The following ACOX2 variants were observed in gnomAD, a reference collection of about 807,000 sequenced individuals.
ACOX2 encodes peroxisomal acyl-coenzyme A oxidase 2.
Under a neutral mutation model 77.5 loss-of-function variants are expected in ACOX2, and 59 were observed. The ratio of observed to expected loss-of-function variants is 0.76; its 90% CI spans 0.62 to 0.95. ACOX2 has a LOEUF of 0.95. ACOX2 is among the 40% of genes least tolerant of loss of function. The probability of loss-of-function intolerance (pLI) is 0.00; values close to 1 mark genes in which losing one functional copy is unlikely to be tolerated. For missense variants in ACOX2, 837 were observed against 880.4 expected, an observed-to-expected ratio of 0.95 and a Z score of 0.62; for synonymous variants, 317 against 340.1, an observed-to-expected ratio of 0.93 and a Z score of 0.75.
At chr3:58,517,017 T>C (rs562819753) in intron 13 of ACOX2, among the ~76,000 whole-genome samples, 189 bp downstream of exon 13, 1 of 152,250 alleles carries the variant, frequency 6.6e-6, no homozygotes, top group African/African-American at 2.4e-5. Context: ...ATTTTTCCCA[T>C]TTTTTCCCAT....
chr3:58,533,627 C>A lies in ACOX2; in HGVS notation c.476-75G>T. On this transcript the variant is annotated intron_variant, in intron 4 of 14. Coordinates refer to ENST00000302819, the MANE Select transcript of ACOX2 (RefSeq NM_003500.4). The surrounding 1 kb of genome is among the most constrained non-coding windows in gnomAD (Gnocchi z 5.6). ...CCTGTGAAGCTGCTTCTAGGTGGGT[C>A]TGAACTCTTAGGCATCAGCGCAGTA... The A allele has an allele frequency of 7.1e-7, 1 of 1,411,876 alleles. No individual in the cohort carries two copies. The highest frequency in any genetic ancestry group is 1.0e-6 in the Non-Finnish European group (1 of 1,000,540). 87.5% of individuals were successfully genotyped at this position (1,411,876 alleles called of 1,614,324 possible). A position where few individuals can be genotyped will look rare whatever the true frequency, so the allele number is the denominator to read the frequency against.
chr3:58,525,175 T>C lies in ACOX2; in HGVS notation c.1347-570A>G, dbSNP rs967821437. On this transcript the variant is annotated intron_variant, in intron 10 of 14. Coordinates refer to ENST00000302819, the MANE Select transcript of ACOX2 (RefSeq NM_003500.4). The surrounding 1 kb of genome is among the most constrained non-coding windows in gnomAD (Gnocchi z 5.0). Reference sequence around the variant, plus strand: ...GGTGGGGAGGACAGTTCTCATCTGATTGAGGGTTTGTGAAATGGAATGAGA... The same window carrying C: ...GGTGGGGAGGACAGTTCTCATCTGACTGAGGGTTTGTGAAATGGAATGAGA... 2.0e-5 allele frequency among the ~76,000 whole-genome samples: 3 copies of C among 152,108 alleles called. No individual in the cohort carries two copies. Among genetic ancestry groups the C allele is most frequent in the African/African-American group, 4.8e-5 (2 of 41,432 alleles).
Position 58,526,319 on chromosome 3 carries a change from T to A in ACOX2, c.1346+147A>T, listed in dbSNP as rs1013274257. 5 of 879,918 alleles carry A rather than the reference T, an allele frequency of 5.7e-6. No homozygotes were observed. The highest frequency in any genetic ancestry group is 2.9e-5 in the Admixed American group (1 of 34,486). The allele number at this position is 879,918 out of a possible 1,614,324, so 54.5% of individuals were successfully genotyped here. On this transcript the variant is annotated intron_variant, in intron 10 of 14. Coordinates refer to ENST00000302819, the MANE Select transcript of ACOX2 (RefSeq NM_003500.4). This position sits in a 1 kb window ranked among gnomAD's most constrained non-coding sequence, Gnocchi z 4.3. ...GATGGTGGCCTAGAAGTGGATAGGT[T>A]AGTCATACTGGGGAATTGGACAGCT...
At position 58,510,648 on chromosome 3, in the gene ACOX2, A is replaced by T. The variant is rs1415300000; in HGVS notation, c.1851-1623T>A. Among the ~76,000 whole-genome samples the T allele has an allele frequency of 8.0e-5, 3 of 37,448 alleles. 1 individual carries two copies. The highest frequency in any genetic ancestry group is 1.5e-4 in the Non-Finnish European group (3 of 20,660). The allele number at this position is 37,448 out of a possible 152,430, so 24.6% of individuals were successfully genotyped here. A position where few individuals can be genotyped will look rare whatever the true frequency, so the allele number is the denominator to read the frequency against. On this transcript the variant is annotated intron_variant, in intron 13 of 14. Transcript: ENST00000302819. The stretch of plus-strand genomic sequence containing the variant: ...ACTCCCGCTCAAAAAAAAAAAAAAA[A>T]AAAAAAAAAAAAAAAATATATATAT...
At chr3:58,511,284 T>A in intron 13 of ACOX2, 1 of 348,678 alleles carries the variant, frequency 2.9e-6, no homozygotes, top group Non-Finnish European at 5.6e-6. Context: ...TTCTTTTTAC[T>A]GTAGGCCTGG....
At chr3:58,532,727 T>G (rs536668085) in intron 5 of ACOX2, among the ~76,000 whole-genome samples, 1 of 152,298 alleles carries the variant, frequency 6.6e-6, no homozygotes, top group East Asian at 1.9e-4. Flanking sequence ...TGTGTCTCCC[T>G]CTCTCTATGT....
chr3:58,531,132 T>C lies in ACOX2; in HGVS notation c.819+119A>G, dbSNP rs1417984361. The C allele has an allele frequency of 4.8e-6, 4 of 825,066 alleles. No homozygotes were observed. In the African/African-American group the frequency reaches 6.9e-5, roughly 14 times the overall value. The allele number at this position is 825,066 out of a possible 1,614,324, so 51.1% of individuals were successfully genotyped here. On this transcript the variant is annotated intron_variant, in intron 7 of 14. Transcript: ENST00000302819. This position sits in a 1 kb window ranked among gnomAD's most constrained non-coding sequence, Gnocchi z 5.8. Reference sequence around the variant, plus strand: ...AATCTGTGGGATATCAGAGCCTCTCTTGGGGGAGGAGGTTATGTGGCCCAA... The same window carrying C: ...AATCTGTGGGATATCAGAGCCTCTCCTGGGGGAGGAGGTTATGTGGCCCAA...
chr3:58,510,098 C>A (rs1315403066), intron 13 of ACOX2, among the ~76,000 whole-genome samples: 2 of 152,130 alleles, frequency 1.3e-5, no homozygotes, highest in Non-Finnish European at 2.9e-5. Flanking sequence ...TTCCTCCTGG[C>A]CTTCGGGCCT....
rs765096149 is a variant in ACOX2, at chr3:58,517,167, C to T, written c.1850+39G>A. ...CCTGTGAACAAGGGGTAGGGTTATTCTCTGAAGACTAACATGGTTTGAAGT... is the reference window on the plus strand; with the variant it reads ...CCTGTGAACAAGGGGTAGGGTTATTTTCTGAAGACTAACATGGTTTGAAGT... On this transcript the variant is annotated intron_variant, in intron 13 of 14. Transcript: ENST00000302819. 1.4e-5 allele frequency: 22 copies of T among 1,603,540 alleles called. No homozygotes were observed. The Admixed American group carries it at 3.7e-4, about 27-fold the overall frequency.
rs1306746827 is a variant in ACOX2, at chr3:58,519,923, C to T, written c.1633-2500G>A. On this transcript the variant is annotated intron_variant, in intron 12 of 14. Transcript: ENST00000302819. This position sits in a 1 kb window ranked among gnomAD's most constrained non-coding sequence, Gnocchi z 5.0. ...TCCTGTCCTAATCTGAGAGCCACAT[C>T]CTCAAATGCTCAAGGCTCTGAGTTG... Among the ~76,000 whole-genome samples, 1 of 152,222 alleles carries T rather than the reference C, an allele frequency of 6.6e-6. No homozygotes were observed. Among genetic ancestry groups the T allele is most frequent in the Non-Finnish European group, 1.5e-5 (1 of 68,048 alleles).
chr3:58,531,807 G>A lies in ACOX2; in HGVS notation c.589C>T (p.Arg197Trp), dbSNP rs144327887. The A allele has an allele frequency of 2.7e-4, 428 of 1,613,384 alleles. No individual in the cohort carries two copies. The highest frequency in any genetic ancestry group is 5.0e-4 in the Middle Eastern group (3 of 6,056). ...TGGACCAGGGCATGGGTGGCTGACC[G>A]TCCCACTGAGGGCAGAGAGAGTAGC... Reference protein sequence around the residue: ...ATKWWPGDLGRSATHALVQAQ... With the variant: ...ATKWWPGDLGWSATHALVQAQ... The change falls in exon 6 of 15, where the codon CGG becomes TGG. Residue 197 changes from arginine to tryptophan, a missense_variant. Physicochemically the swap from Arg to Trp is moderately radical, Grantham distance 101 (BLOSUM62 -3). Transcript: ENST00000302819. This position sits in a 1 kb window ranked among gnomAD's most constrained non-coding sequence, Gnocchi z 5.8.
In ACOX2 at chr3:58,519,793, G is replaced by T. The variant is rs890877183; in HGVS notation, c.1633-2370C>A. Among the ~76,000 whole-genome samples the T allele has an allele frequency of 6.6e-5, 10 of 152,250 alleles. No homozygotes were observed. Among genetic ancestry groups the T allele is most frequent in the Non-Finnish European group, 1.5e-4 (10 of 68,038 alleles). ...AGCCATGCTGGGCTTGCAGCATTTG[G>T]CTGTGGAAGGTGAGCAGATGTGCTG... On this transcript the variant is annotated intron_variant, in intron 12 of 14. Transcript: ENST00000302819. The surrounding 1 kb of genome is among the most constrained non-coding windows in gnomAD (Gnocchi z 5.0).
chr3:58,533,360 T>C lies in ACOX2; in HGVS notation c.583+85A>G, dbSNP rs556991441. The C allele has an allele frequency of 2.4e-6, 3 of 1,236,570 alleles. No homozygotes were observed. The East Asian group carries it at 7.0e-5, about 29-fold the overall frequency. 76.6% of individuals were successfully genotyped at this position (1,236,570 alleles called of 1,614,324 possible). On this transcript the variant is annotated intron_variant, in intron 5 of 14. Transcript: ENST00000302819. The surrounding 1 kb of genome is among the most constrained non-coding windows in gnomAD (Gnocchi z 5.6). ...GAACAGAAAATCAATCTGAGGTCTG[T>C]TGGACCTCAAAGCCAGTGCTACTCT...
In ACOX2 at chr3:58,508,934, G is replaced by A. The variant is rs756752270; in HGVS notation, c.1942C>T (p.Arg648Cys). ...GACTTCTGAGCCCACTGGAACAGGC[G>A]TTCGTAGACGTTTCCATCATAACAG... ...LGCYDGNVYE[R>C]LFQWAQKSPT... Residue 648 changes from arginine to cysteine, a missense_variant, in exon 14 of 15, where the codon CGC (arginine) becomes TGC (cysteine). Arg to Cys is a radical substitution (Grantham distance 180, BLOSUM62 -3). Transcript: ENST00000302819. The A allele has an allele frequency of 1.3e-5, 21 of 1,614,034 alleles. No homozygotes were observed. Among genetic ancestry groups the A allele is most frequent in the Middle Eastern group, 1.6e-4 (1 of 6,084 alleles).
At chr3:58,509,253 C>T (rs1319018582) in intron 13 of ACOX2, among the ~76,000 whole-genome samples, 1 of 152,036 alleles carries the variant, frequency 6.6e-6, no homozygotes, top group East Asian at 1.9e-4. Flanking sequence ...TCCGGCCATG[C>T]GTGGTGGCTC....
rs188745932 is a variant in ACOX2 at position 58,521,600 on chromosome 3, T to C, written c.1632+896A>G. Among the ~76,000 whole-genome samples, 21 of 152,332 alleles carry C rather than the reference T, an allele frequency of 1.4e-4. No individual in the cohort carries two copies. Among genetic ancestry groups the C allele is most frequent in the Non-Finnish European group, 2.5e-4 (17 of 68,020 alleles). ...CTCCTTTCTAACTTGCTCCCTTTCA[T>C]TCCATCCTGGGCAACCTGCATGATT... On this transcript the variant is annotated intron_variant, in intron 12 of 14. Transcript: ENST00000302819. This position sits in a 1 kb window ranked among gnomAD's most constrained non-coding sequence, Gnocchi z 4.8.
intron 8 of ACOX2, among the ~76,000 whole-genome samples, chr3:58,529,452 G>A (rs1343285783): frequency 1.3e-5 from 2 of 152,202 alleles, no homozygotes; most frequent in African/African-American, 2.4e-5. Flanking sequence ...CCGCTGCTAT[G>A]TCCTCAGTGC....
At position 58,524,725 on chromosome 3, in the gene ACOX2, G is replaced by A; in HGVS notation, c.1347-120C>T. 8.7e-7 allele frequency: 1 copy of A among 1,147,950 alleles called. No individual in the cohort carries two copies. The highest frequency in any genetic ancestry group is 1.2e-6 in the Non-Finnish European group (1 of 821,416). 71.1% of individuals were successfully genotyped at this position (1,147,950 alleles called of 1,614,324 possible). ...TTCCAGCCTTCCCGTGGGAGAGCCA[G>A]GTCACCAGGCCTCTGCCTGGCCTCC... On this transcript the variant is annotated intron_variant, in intron 10 of 14. Coordinates refer to ENST00000302819, the MANE Select transcript of ACOX2 (RefSeq NM_003500.4). The surrounding 1 kb of genome is among the most constrained non-coding windows in gnomAD (Gnocchi z 5.5).
rs769241949 is a variant in ACOX2, at chr3:58,535,040, C to G, written c.67G>C (p.Glu23Gln). 1 of 1,614,240 alleles carries G rather than the reference C, an allele frequency of 6.2e-7. No homozygotes were observed. The highest frequency in any genetic ancestry group is 2.2e-5 in the East Asian group (1 of 44,886). Residue 23 changes from glutamate (E) to glutamine (Q), a missense_variant, in exon 2 of 15, where the codon GAG becomes CAG. Physicochemically the swap from Glu to Gln is conservative, Grantham distance 29. Transcript: ENST00000302819. The surrounding 1 kb of genome is among the most constrained non-coding windows in gnomAD (Gnocchi z 4.8). ...AAGGACTGCATATACCTCTCGCTCT[C>G]TATGTCGGGGTGCATTTGCCTGCTC... ...TWSRQMHPDI[E>Q]SERYMQSFDV...
Sources: allele counts gnomAD v4.1 joint callset (sites outside exome capture counted in the v4.1 genomes callset), GRCh38; gene constraint gnomAD v4.1.1; non-coding constraint Gnocchi (gnomAD v3.1); transcripts MANE v1.5; gene names NCBI Gene and HGNC (gene_info 2026-07-23, HGNC 2026-07-21).